The following CTNNA1 variants were observed in gnomAD, a reference collection of about 807,000 sequenced individuals.
CTNNA1 encodes the protein catenin alpha 1.
A neutral mutation model predicts 98.4 loss-of-function variants in CTNNA1; 37 were observed. That is an observed-to-expected ratio of 0.38 (90% CI 0.29 to 0.49). CTNNA1 has a LOEUF of 0.49. Ranked by LOEUF, CTNNA1 falls within the 20% of genes least tolerant of loss-of-function variation. CTNNA1 has a pLI of 0.95. For missense variants in CTNNA1, 761 were observed against 1,147.2 expected (o/e 0.66, Z 4.86); for synonymous variants, 404 against 413.2 (o/e 0.98, Z 0.27).
rs943130949 is a variant in CTNNA1, at chr5:138,934,170, T to TACAAC, written c.*84_*88dup. On this transcript the variant is annotated 3_prime_UTR_variant, in exon 18 of 18. Transcript: ENST00000302763. Reference sequence around the variant, plus strand: ...TCGTCACTCAAATGAATTTGCTAAATACAACACTGATACTAGATTCCACAG... The same window carrying TACAAC: ...TCGTCACTCAAATGAATTTGCTAAATACAACACAACACTGATACTAGATTCCACAG... 5 of 1,039,750 alleles carry TACAAC rather than the reference T, an allele frequency of 4.8e-6. No homozygotes were observed. The African/African-American group carries it at 7.9e-5, about 16-fold the overall frequency. The allele number at this position is 1,039,750 out of a possible 1,614,324, so 64.4% of individuals were successfully genotyped here. A position where few individuals can be genotyped will look rare whatever the true frequency, so the allele number is the denominator to read the frequency against.
At chr5:138,780,285 G>A (rs1403101946) in intron 1 of CTNNA1, among the ~76,000 whole-genome samples, 1 of 151,648 alleles carries the variant, frequency 6.6e-6, no homozygotes, top group Admixed American at 6.6e-5. Context: ...CGTCTCTGGG[G>A]TTCACGCCAT....
chr5:138,781,091 G>C (rs1755046031), intron 1 of CTNNA1, among the ~76,000 whole-genome samples: 1 of 152,128 alleles, frequency 6.6e-6, no homozygotes, highest in Admixed American at 6.5e-5. Flanking sequence ...GGGTGCAGAG[G>C]GCAGCTGATT....
At chr5:138,768,355 G>A (rs1205967919) in intron 1 of CTNNA1, among the ~76,000 whole-genome samples, 1 of 151,930 alleles carries the variant, frequency 6.6e-6, no homozygotes, top group Non-Finnish European at 1.5e-5. Context: ...TGCCTCCCAG[G>A]TTCAAGTGAT....
intron 7 of CTNNA1, among the ~76,000 whole-genome samples, chr5:138,882,874 G>GCT (rs1753235141): frequency 6.6e-6 from 1 of 152,222 alleles, no homozygotes; most frequent in African/African-American, 2.4e-5. Flanking sequence ...TGTCACCCAG[G>GCT]CTGGAGTGCA....
rs1431566658 is a variant in CTNNA1 at position 138,886,131 on chromosome 5, A to G, written c.1063-81A>G. 4 of 1,477,826 alleles carry G rather than the reference A, an allele frequency of 2.7e-6. No individual in the cohort carries two copies. The Admixed American group carries it at 6.5e-5, about 24-fold the overall frequency. 91.5% of individuals were successfully genotyped at this position (1,477,826 alleles called of 1,614,324 possible). ...AAGTTGTACTGCTTTTTCAGTGTTGACATGAGCACAAATGGCTATAGGCTA... is the reference window on the plus strand; with the variant it reads ...AAGTTGTACTGCTTTTTCAGTGTTGGCATGAGCACAAATGGCTATAGGCTA... On this transcript the variant is annotated intron_variant, in intron 7 of 17. Transcript: ENST00000302763.
intron 11 of CTNNA1, among the ~76,000 whole-genome samples, 194 bp downstream of exon 11, chr5:138,918,092 G>A (rs1057056444): frequency 7.9e-5 from 12 of 152,206 alleles, no homozygotes; most frequent in African/African-American, 2.9e-4. Context: ...CAGCTACTAG[G>A]AAGTAGCTGG....
chr5:138,910,266 G>A (rs762026220), intron 10 of CTNNA1, among the ~76,000 whole-genome samples: 15 of 48,526 alleles, frequency 3.1e-4, no homozygotes, highest in Non-Finnish European at 5.8e-4. Flanking sequence ...AAAAATCTGT[G>A]TATATTTGGT....
At chr5:138,838,554 A>C (rs1404083622) in intron 7 of CTNNA1, among the ~76,000 whole-genome samples, 1 of 151,434 alleles carries the variant, frequency 6.6e-6, no homozygotes, top group Non-Finnish European at 1.5e-5. Context: ...TAATACTTCC[A>C]ATTTCATCTG....
rs550635902 is a variant in CTNNA1, at chr5:138,826,445, A to G, written c.859-1070A>G. ...AGTAGCTGCTGTCTTGAGGATGCCG[A>G]TGTTTCACCTTGTACCTATAGCTTA... On this transcript the variant is annotated intron_variant, in intron 6 of 17. Coordinates refer to ENST00000302763, the MANE Select transcript of CTNNA1 (RefSeq NM_001903.5). 7.9e-5 allele frequency among the ~76,000 whole-genome samples: 12 copies of G among 152,320 alleles called. No individual in the cohort carries two copies. In the South Asian group the frequency reaches 1.9e-3, roughly 24 times the overall value.
At chr5:138,818,608 TCAC>T (rs766065470) in intron 5 of CTNNA1, among the ~76,000 whole-genome samples, 11 of 152,342 alleles carry the variant, frequency 7.2e-5, no homozygotes, top group Non-Finnish European at 1.3e-4. Context: ...TGCAGCTTCT[TCAC>T]CTGTGTTCAA....
Position 138,798,443 on chromosome 5 carries a change from T to C in CTNNA1, c.302-11595T>C, listed in dbSNP as rs560425659. On this transcript the variant is annotated intron_variant, in intron 3 of 17. Coordinates refer to ENST00000302763, the MANE Select transcript of CTNNA1 (RefSeq NM_001903.5). ...TAACATTACTTCATAGCATTCTTTG[T>C]TTTAAAGGAGCAATGTAACAGGTTC... Among the ~76,000 whole-genome samples the C allele has an allele frequency of 5.3e-5, 8 of 152,330 alleles. No homozygotes were observed. The East Asian group carries it at 1.5e-3, about 29-fold the overall frequency.
intron 9 of CTNNA1, among the ~76,000 whole-genome samples, chr5:138,893,387 G>A (rs1755946761): frequency 6.6e-6 from 1 of 152,050 alleles, no homozygotes; most frequent in Non-Finnish European, 1.5e-5. Context: ...CAGCGTGGAT[G>A]TGGGTGGGTG....
chr5:138,902,889 CTTT>C (rs910917575), intron 9 of CTNNA1, among the ~76,000 whole-genome samples: 1 of 151,080 alleles, frequency 6.6e-6, no homozygotes, highest in Admixed American at 6.6e-5. Context: ...TATTTGTTTC[CTTT>C]TTTTTTAAGT....
At chr5:138,774,212 A>G (rs1478968705) in intron 1 of CTNNA1, among the ~76,000 whole-genome samples, 1 of 151,956 alleles carries the variant, frequency 6.6e-6, no homozygotes, top group East Asian at 1.9e-4. Context: ...ATTTGTAGAG[A>G]TGAGGTCTCG....
chr5:138,874,542 A>G lies in CTNNA1; in HGVS notation c.1063-11670A>G. 6.4e-7 allele frequency: 1 copy of G among 1,566,484 alleles called. No individual in the cohort carries two copies. On this transcript the variant is annotated intron_variant, in intron 7 of 17. Coordinates refer to ENST00000302763, the MANE Select transcript of CTNNA1 (RefSeq NM_001903.5). The surrounding 1 kb of genome is among the most constrained non-coding windows in gnomAD (Gnocchi z 4.1). ...GCCAGCATAGGGGCCCCTAATGGCC[A>G]CTTGAAATGTAAGCCTGCAGAATAT...
At chr5:138,931,437 C>G (rs1377775589) in intron 16 of CTNNA1, among the ~76,000 whole-genome samples, 1 of 152,226 alleles carries the variant, frequency 6.6e-6, no homozygotes, top group Non-Finnish European at 1.5e-5. Context: ...CAGTTTTTCT[C>G]TGTAGTTAAC....
In CTNNA1 at chr5:138,812,109, A is replaced by G. The variant is rs557547874; in HGVS notation, c.469-74A>G. 7.2e-5 allele frequency: 101 copies of G among 1,408,078 alleles called. No homozygotes were observed. The African/African-American group carries it at 1.3e-3, about 18-fold the overall frequency. 87.2% of individuals were successfully genotyped at this position (1,408,078 alleles called of 1,614,324 possible). A position where few individuals can be genotyped will look rare whatever the true frequency, so the allele number is the denominator to read the frequency against. On this transcript the variant is annotated intron_variant, in intron 4 of 17. Transcript: ENST00000302763. ...TGAGTAGTTGTTAACAGGAATGAAAATTCCTAGGATGCCATCTTCTTTACA... is the reference window on the plus strand; with the variant it reads ...TGAGTAGTTGTTAACAGGAATGAAAGTTCCTAGGATGCCATCTTCTTTACA...
At chr5:138,787,145 T>A (rs530441518) in intron 3 of CTNNA1, among the ~76,000 whole-genome samples, 2 of 152,286 alleles carry the variant, frequency 1.3e-5, no homozygotes, top group South Asian at 4.1e-4. Flanking sequence ...TCATAAGGGC[T>A]CTGGGCTGGG....
At chr5:138,811,657 T>C (rs1758807307) in intron 4 of CTNNA1, among the ~76,000 whole-genome samples, 1 of 152,140 alleles carries the variant, frequency 6.6e-6, no homozygotes, top group Admixed American at 6.5e-5. Flanking sequence ...AGACTCCGTC[T>C]GCAATCCCGG....
Sources: allele counts gnomAD v4.1 joint callset (sites outside exome capture counted in the v4.1 genomes callset), GRCh38; gene constraint gnomAD v4.1.1; non-coding constraint Gnocchi (gnomAD v3.1); transcripts MANE v1.5; gene names NCBI Gene and HGNC (gene_info 2026-07-23, HGNC 2026-07-21).